The following WWOX variants were observed in gnomAD, a reference collection of about 807,000 sequenced individuals.
The protein encoded by WWOX is WW domain containing oxidoreductase, also known as WW domain-containing oxidoreductase.
WWOX carries 69 observed loss-of-function variants against 46.2 expected under a neutral mutation model. The observed-to-expected ratio is 1.49, with a 90% CI of 1.23 to 1.82. WWOX has a LOEUF of 1.82. Among genes scored for constraint, WWOX ranks in the 40% most tolerant of loss-of-function variants. The pLI is 0.00. For missense variants in WWOX, 919 were observed against 542.6 expected, an observed-to-expected ratio of 1.69 and a Z score of -6.89; for synonymous variants, 359 against 202.6, an observed-to-expected ratio of 1.77 and a Z score of -6.56.
At chr16:78,233,889 GTTC>G (rs1428306683) in intron 5 of WWOX, among the ~76,000 whole-genome samples, 2 of 152,214 alleles carry the variant, frequency 1.3e-5, no homozygotes, top group Non-Finnish European at 2.9e-5. Context: ...ATGCCAATAT[GTTC>G]TTCTTCTTGA....
At chr16:78,776,144 C>T (rs1284799536) in intron 8 of WWOX, among the ~76,000 whole-genome samples, 1 of 152,108 alleles carries the variant, frequency 6.6e-6, no homozygotes, top group African/African-American at 2.4e-5. Context: ...GAATGCATGG[C>T]TTGGGCTAAA....
chr16:78,567,805 A>G (rs2044610560), intron 8 of WWOX, among the ~76,000 whole-genome samples: 1 of 152,024 alleles, frequency 6.6e-6, no homozygotes, highest in African/African-American at 2.4e-5. Context: ...CAGAGCCTCC[A>G]GCCGGGGTGG....
At chr16:78,588,180 G>A (rs1181779458) in intron 8 of WWOX, among the ~76,000 whole-genome samples, 3 of 152,126 alleles carry the variant, frequency 2.0e-5, no homozygotes, top group Non-Finnish European at 4.4e-5. Context: ...GTTTCCCCTG[G>A]GTGGCTCCAT....
intron 8 of WWOX, among the ~76,000 whole-genome samples, chr16:78,737,384 G>A (rs562974049): frequency 1.3e-3 from 202 of 152,110 alleles, no homozygotes; most frequent in African/African-American, 4.6e-3. Flanking sequence ...TGATCCGCCT[G>A]CCTCAGCCTC....
At position 79,094,851 on chromosome 16, in the gene WWOX, C is replaced by G. The variant is rs546477754; in HGVS notation, c.1057-116757C>G. On this transcript the variant is annotated intron_variant, in intron 8 of 8. Coordinates refer to ENST00000566780, the MANE Select transcript of WWOX (RefSeq NM_016373.4). ...AGGAGCCCAATATTTATTGAGCCAA[C>G]AGGTTTACACTGTGTCTACCCCAGA... is the stretch of plus-strand genomic sequence containing the variant. Among the ~76,000 whole-genome samples the G allele has an allele frequency of 2.6e-5, 4 of 152,244 alleles. No individual in the cohort carries two copies. The South Asian group carries it at 8.3e-4, about 32-fold the overall frequency.
chr16:79,148,553 G>A (rs1310979442), intron 8 of WWOX, among the ~76,000 whole-genome samples: 1 of 152,074 alleles, frequency 6.6e-6, no homozygotes, highest in East Asian at 1.9e-4. Context: ...TAAGACCTGT[G>A]CTTTTTCATA....
intron 8 of WWOX, chr16:79,106,485 A>G (rs549280892): frequency 1.1e-4 from 17 of 152,154 alleles, no homozygotes; most frequent in African/African-American, 3.9e-4. Flanking sequence ...CTGAAATAAA[A>G]TACGCAAACT....
chr16:78,484,427 C>G (rs1352541300), intron 8 of WWOX, among the ~76,000 whole-genome samples: 1 of 152,094 alleles, frequency 6.6e-6, no homozygotes, highest in Non-Finnish European at 1.5e-5. Flanking sequence ...TACTCTGTAA[C>G]TTGTTTAAGA....
chr16:78,412,513 A>G (rs1299229364), intron 6 of WWOX, among the ~76,000 whole-genome samples: 3 of 152,156 alleles, frequency 2.0e-5, no homozygotes, highest in Non-Finnish European at 4.4e-5. Flanking sequence ...TGGAATGAAA[A>G]GAGATTGGTG....
At chr16:78,204,903 A>T (rs188368691) in intron 5 of WWOX, among the ~76,000 whole-genome samples, 29 of 152,354 alleles carry the variant, frequency 1.9e-4, no homozygotes, top group Admixed American at 1.8e-3. Context: ...ATTTTCTAAG[A>T]TCAGAGAATA....
intron 5 of WWOX, among the ~76,000 whole-genome samples, chr16:78,314,462 C>G (rs940689402): frequency 1.3e-4 from 20 of 149,610 alleles, no homozygotes; most frequent in African/African-American, 4.2e-4. Context: ...ATTTATCCCC[C>G]TGCTGCCAGT....
chr16:78,856,731 G>T (rs1244580096), intron 8 of WWOX, among the ~76,000 whole-genome samples: 1 of 152,158 alleles, frequency 6.6e-6, no homozygotes, highest in African/African-American at 2.4e-5. Context: ...ACTATCTTAT[G>T]AAATAGAAAT....
At chr16:78,305,689 G>C (rs927921299) in intron 5 of WWOX, among the ~76,000 whole-genome samples, 16 of 151,870 alleles carry the variant, frequency 1.1e-4, no homozygotes, top group Non-Finnish European at 1.9e-4. Flanking sequence ...TTTAATGACA[G>C]AAAGTCACCC....
intron 8 of WWOX, among the ~76,000 whole-genome samples, chr16:78,779,911 C>G (rs1270474796): frequency 9.8e-5 from 15 of 152,300 alleles, no homozygotes; most frequent in Admixed American, 9.8e-4. Flanking sequence ...TAGATTAAAA[C>G]AGAAGCTCTG....
intron 5 of WWOX, among the ~76,000 whole-genome samples, chr16:78,333,238 C>T (rs748351358): frequency 4.6e-5 from 7 of 151,370 alleles, no homozygotes; most frequent in Admixed American, 1.3e-4. Flanking sequence ...TTGGTAGAGA[C>T]GGCGTTTCAC....
chr16:78,187,253 G>C (rs1029462399), intron 5 of WWOX, among the ~76,000 whole-genome samples: 1 of 152,180 alleles, frequency 6.6e-6, no homozygotes. Flanking sequence ...ACATGGCCGA[G>C]TTATGCCAAA....
At chr16:78,928,702 A>G (rs2045556353) in intron 8 of WWOX, among the ~76,000 whole-genome samples, 1 of 152,158 alleles carries the variant, frequency 6.6e-6, no homozygotes, top group African/African-American at 2.4e-5. Flanking sequence ...ATCAGTTGGT[A>G]TATTTGGCTC....
At chr16:78,796,973 G>A (rs903090836) in intron 8 of WWOX, among the ~76,000 whole-genome samples, 7 of 151,978 alleles carry the variant, frequency 4.6e-5, no homozygotes, top group African/African-American at 1.4e-4. Context: ...TTATAGGCAT[G>A]AGCCACCATG....
chr16:78,361,988 T>A (rs933791085), intron 5 of WWOX, among the ~76,000 whole-genome samples: 1 of 147,928 alleles, frequency 6.8e-6, no homozygotes, highest in African/African-American at 2.6e-5. Context: ...TTTTTTTGAT[T>A]TATTAATACC....
Sources: allele counts gnomAD v4.1 joint callset (sites outside exome capture counted in the v4.1 genomes callset), GRCh38; gene constraint gnomAD v4.1.1; transcripts MANE v1.5; gene names NCBI Gene and HGNC (gene_info 2026-07-23, HGNC 2026-07-21).